ACOT13: variants seen among roughly 807,000 people sequenced by gnomAD.
The protein encoded by ACOT13 is acyl-CoA thioesterase 13.
A neutral mutation model predicts 11.8 loss-of-function variants in ACOT13; 10 were observed. That is an observed-to-expected ratio of 0.85 (90% CI 0.53 to 1.44). The LOEUF is 1.44. Ranked by LOEUF, ACOT13 falls within the 40% of genes most tolerant of loss-of-function variation. The pLI, the probability that ACOT13 is intolerant of heterozygous loss-of-function variation, is 0.00. For synonymous variants in ACOT13, 53 were observed against 61.0 expected, an observed-to-expected ratio of 0.87 and a Z score of 0.61; for missense variants, 172 against 174.1, an observed-to-expected ratio of 0.99 and a Z score of 0.07.
At position 24,704,577 on chromosome 6, in the gene ACOT13, T is replaced by C. The variant is rs905931313; in HGVS notation, c.*2962T>C. The C allele has an allele frequency of 3.3e-5, 5 of 152,214 alleles. No homozygotes were observed. Among genetic ancestry groups the C allele is most frequent in the Non-Finnish European group, 7.3e-5 (5 of 68,038 alleles). 9.4% of individuals were successfully genotyped at this position (152,214 alleles called of 1,614,324 possible). ...GAAGAGTACCTGGTTATAATAAACA[T>C]TCAAAATGTTATTTCAAATAGATTC... On this transcript the variant is annotated 3_prime_UTR_variant, in exon 3 of 3. Transcript: ENST00000230048.
intron 1 of ACOT13, among the ~76,000 whole-genome samples, chr6:24,680,986 A>G (rs1003412045): frequency 9.2e-5 from 14 of 152,194 alleles, no homozygotes; most frequent in African/African-American, 3.4e-4. Flanking sequence ...ATCACCTGGG[A>G]GGAACCATCT....
rs1271533039 is a variant in ACOT13, at chr6:24,702,293, G to C, written c.*678G>C. 6.6e-6 allele frequency: 1 copy of C among 152,202 alleles called. No homozygotes were observed. Among genetic ancestry groups the C allele is most frequent in the African/African-American group, 2.4e-5 (1 of 41,422 alleles). The allele number at this position is 152,202 out of a possible 1,614,324, so 9.4% of individuals were successfully genotyped here. On this transcript the variant is annotated 3_prime_UTR_variant, in exon 3 of 3. Transcript: ENST00000230048. The stretch of plus-strand genomic sequence containing the variant: ...ACCTAGCTAATTTTTGTAGTTTTTT[G>C]TAGAAACAGGGTTCACCATGTTGGC...
intron 1 of ACOT13, among the ~76,000 whole-genome samples, chr6:24,670,122 G>A (rs754019777): frequency 2.4e-4 from 37 of 152,238 alleles, no homozygotes; most frequent in Admixed American, 7.8e-4. Flanking sequence ...TCTCTCTCCA[G>A]TTTTCCATTT....
intron 2 of ACOT13, chr6:24,700,999 T>C (rs1778883850): frequency 1.3e-5 from 2 of 152,292 alleles, no homozygotes; most frequent in African/African-American, 2.4e-5. Context: ...CTTAAAAATA[T>C]AGACAGTCCA....
At chr6:24,673,656 T>C (rs12194181) in intron 1 of ACOT13, among the ~76,000 whole-genome samples, 59,819 of 152,072 alleles carry the variant, frequency 0.39, 12,790 homozygotes, top group Non-Finnish European at 0.5. Context: ...CCACCATTCG[T>C]AGGCAAATTC....
At chr6:24,688,730 A>G (rs1885209) in intron 1 of ACOT13, among the ~76,000 whole-genome samples, 116,578 of 152,092 alleles carry the variant, frequency 0.77, 45,416 homozygotes, top group African/African-American at 0.9. Flanking sequence ...AGAAATTTCA[A>G]TTGTTTATTT....
At chr6:24,696,779 A>G (rs1231618313) in intron 1 of ACOT13, among the ~76,000 whole-genome samples, 4 of 151,742 alleles carry the variant, frequency 2.6e-5, no homozygotes, top group African/African-American at 9.7e-5. Flanking sequence ...AAAATCATAA[A>G]TTCTTTTTTT....
At chr6:24,682,280 G>A (rs534750612) in intron 1 of ACOT13, among the ~76,000 whole-genome samples, 3 of 152,290 alleles carry the variant, frequency 2.0e-5, no homozygotes, top group East Asian at 1.9e-4. Context: ...ATGTCCCTTC[G>A]TGGTCACCAA....
Position 24,704,974 on chromosome 6 carries a change from T to TG in ACOT13, c.*3361dup, listed in dbSNP as rs1167513479. The stretch of plus-strand genomic sequence containing the variant: ...CCAGAAGCTAAATACAATTGGAAAC[T>TG]GGTAAGCACTAGTTTTACTCCAAAG... On this transcript the variant is annotated 3_prime_UTR_variant, in exon 3 of 3. Transcript: ENST00000230048. The TG allele has an allele frequency of 6.6e-6, 1 of 152,230 alleles. No individual in the cohort carries two copies. The highest frequency in any genetic ancestry group is 1.5e-5 in the Non-Finnish European group (1 of 67,944). The allele number at this position is 152,230 out of a possible 1,614,324, so 9.4% of individuals were successfully genotyped here.
In ACOT13 at chr6:24,698,035, A is replaced by G; in HGVS notation, c.234A>G (p.Gly78=). 1 of 1,610,842 alleles carries G rather than the reference A, an allele frequency of 6.2e-7. No homozygotes were observed. Among genetic ancestry groups the G allele is most frequent in the Non-Finnish European group, 8.5e-7 (1 of 1,178,814 alleles). Reference sequence around the variant, plus strand: ...TGGCTCTGCTATGCACGGAAAGGGGAGCACCCGGAGTCAGTGTCGATATGA... The same window carrying G: ...TGGCTCTGCTATGCACGGAAAGGGGGGCACCCGGAGTCAGTGTCGATATGA... The part of the protein sequence containing the change: ...STMALLCTER[G]APGVSVDMNI... Residue 78 remains glycine, a synonymous_variant, in exon 2 of 3, where the codon GGA becomes GGG. Coordinates refer to ENST00000230048, the MANE Select transcript of ACOT13 (RefSeq NM_018473.4).
intron 2 of ACOT13, 57 bp downstream of exon 2, chr6:24,698,124 G>A (rs984985970): frequency 2.1e-5 from 30 of 1,402,764 alleles, no homozygotes; most frequent in Middle Eastern, 1.9e-4. Flanking sequence ...CTAAACAACT[G>A]AGACTAAACA....
chr6:24,701,660 G>C lies in ACOT13; in HGVS notation c.*45G>C. On this transcript the variant is annotated 3_prime_UTR_variant, in exon 3 of 3. Transcript: ENST00000230048. ...AAAGAAACCCAACAATGAATATCAA[G>C]TATAGATTTGACTCAAACAATTGTA... 4.6e-6 allele frequency: 7 copies of C among 1,511,018 alleles called. No homozygotes were observed. Among genetic ancestry groups the C allele is most frequent in the Non-Finnish European group, 6.2e-6 (7 of 1,121,670 alleles). The allele number at this position is 1,511,018 out of a possible 1,614,324, so 93.6% of individuals were successfully genotyped here.
At chr6:24,671,277 C>G (rs775831349) in intron 1 of ACOT13, among the ~76,000 whole-genome samples, 2 of 152,116 alleles carry the variant, frequency 1.3e-5, no homozygotes, top group Non-Finnish European at 2.9e-5. Context: ...GAATACTATG[C>G]AGCCATAAAA....
chr6:24,697,902 C>G lies in ACOT13; in HGVS notation c.101C>G (p.Ala34Gly). 1 of 1,609,618 alleles carries G rather than the reference C, an allele frequency of 6.2e-7. No homozygotes were observed. Among genetic ancestry groups the G allele is most frequent in the Non-Finnish European group, 8.5e-7 (1 of 1,178,224 alleles). Residue 34 changes from alanine to glycine, a missense_variant, in exon 2 of 3, where the codon GCT (alanine) becomes GGT (glycine). Coordinates refer to ENST00000230048, the MANE Select transcript of ACOT13 (RefSeq NM_018473.4). ...ACTTAGATTACTCTTGTCTCTGCTG[C>G]TCCTGGGAAAGTGATTTGTGAAATG... The part of the protein sequence containing the change: ...VLGKITLVSA[A>G]PGKVICEMKV...
intron 1 of ACOT13, among the ~76,000 whole-genome samples, chr6:24,668,265 C>A (rs1382311371): frequency 2.0e-5 from 3 of 151,934 alleles, no homozygotes; most frequent in African/African-American, 4.8e-5. Flanking sequence ...GTTGCCCATG[C>A]GGGAGTGCAG....
chr6:24,693,277 A>T (rs1404651999), intron 1 of ACOT13, among the ~76,000 whole-genome samples: 2 of 152,202 alleles, frequency 1.3e-5, no homozygotes, highest in Non-Finnish European at 2.9e-5. Flanking sequence ...GTGTTTATGT[A>T]CACAGATTTT....
chr6:24,691,508 G>A (rs1281353572), intron 1 of ACOT13, among the ~76,000 whole-genome samples: 1 of 152,174 alleles, frequency 6.6e-6, no homozygotes, highest in Non-Finnish European at 1.5e-5. Context: ...AAGATAGAGA[G>A]TATTGGTGCA....
chr6:24,669,591 G>C (rs948458390), intron 1 of ACOT13, among the ~76,000 whole-genome samples: 3 of 151,904 alleles, frequency 2.0e-5, no homozygotes, highest in African/African-American at 7.3e-5. Context: ...AAGCATTTTA[G>C]AAGAAAAATG....
intron 1 of ACOT13, among the ~76,000 whole-genome samples, chr6:24,695,628 T>A (rs974820044): frequency 4.6e-5 from 7 of 152,210 alleles, no homozygotes; most frequent in Non-Finnish European, 7.4e-5. Context: ...GGGATTAAAC[T>A]TCATTCATTT....
Sources: gnomAD v4.1 joint callset for allele counts (sites outside exome capture counted in the v4.1 genomes callset) on GRCh38, gnomAD v4.1.1 for gene constraint, MANE v1.5 for transcripts, NCBI Gene and HGNC (gene_info 2026-07-23, HGNC 2026-07-21) for gene names.